Variants in CTNND2 observed in about 807,000 individuals in gnomAD.
CTNND2 encodes catenin delta 2.
In CTNND2, 22 loss-of-function variants were observed where a neutral mutation model predicts 144.4. The ratio of observed to expected loss-of-function variants is 0.15; its 90% CI spans 0.11 to 0.22. The LOEUF is 0.22. Ranked by LOEUF, CTNND2 falls within the 10% of genes least tolerant of loss-of-function variation. The pLI is 1.00. For missense variants in CTNND2, 1,353 were observed against 1,618.8 expected, an observed-to-expected ratio of 0.84 and a Z score of 2.82; for synonymous variants, 751 against 695.6, an observed-to-expected ratio of 1.08 and a Z score of -1.25.
intron 2 of CTNND2, among the ~76,000 whole-genome samples, chr5:11,584,464 C>T (rs1223534571): frequency 1.4e-5 from 2 of 147,666 alleles, no homozygotes; most frequent in Non-Finnish European, 3.0e-5. Flanking sequence ...TTTAAAGTCA[C>T]CGACTAACTC....
chr5:11,093,273 G>A (rs1427223931), intron 15 of CTNND2, among the ~76,000 whole-genome samples: 1 of 152,126 alleles, frequency 6.6e-6, no homozygotes, highest in Non-Finnish European at 1.5e-5. Flanking sequence ...AAGTACAATA[G>A]AAATAATCCA....
chr5:11,349,738 C>A (rs779295404), intron 8 of CTNND2, among the ~76,000 whole-genome samples: 8 of 152,102 alleles, frequency 5.3e-5, no homozygotes, highest in Non-Finnish European at 8.8e-5. Context: ...TACACTATTT[C>A]TCATTACATT....
chr5:11,026,791 T>C (rs1742877857), intron 16 of CTNND2, among the ~76,000 whole-genome samples: 1 of 152,120 alleles, frequency 6.6e-6, no homozygotes, highest in South Asian at 2.1e-4. Context: ...AAGGTGGTCA[T>C]GGGAGGATCA....
In CTNND2 at chr5:11,020,570, T is replaced by C. The variant is rs551740146; in HGVS notation, c.2999+2199A>G. 4.1e-4 allele frequency among the ~76,000 whole-genome samples: 63 copies of C among 152,336 alleles called. 1 individual carries two copies. Among genetic ancestry groups the C allele is most frequent in the African/African-American group, 1.3e-3 (53 of 41,588 alleles). On this transcript the variant is annotated intron_variant, in intron 17 of 21. Transcript: ENST00000304623. Reference sequence around the variant, plus strand: ...CTCCATACCTACTATTATAATAGAATTGAGTCAGAAATGGTGAGTTTCATG... The same window carrying C: ...CTCCATACCTACTATTATAATAGAACTGAGTCAGAAATGGTGAGTTTCATG...
chr5:11,044,062 C>T (rs1033176347), intron 16 of CTNND2, among the ~76,000 whole-genome samples: 1 of 152,338 alleles, frequency 6.6e-6, no homozygotes, highest in East Asian at 1.9e-4. Flanking sequence ...CATCTTCCAG[C>T]AGGTTGTACA....
chr5:11,787,970 T>C (rs1208476521), intron 1 of CTNND2, among the ~76,000 whole-genome samples: 1 of 152,206 alleles, frequency 6.6e-6, no homozygotes, highest in African/African-American at 2.4e-5. Context: ...TTATAGAACA[T>C]TGCTCCCTAT....
chr5:11,823,449 A>G (rs1793428651), intron 1 of CTNND2, among the ~76,000 whole-genome samples: 1 of 152,230 alleles, frequency 6.6e-6, no homozygotes, highest in Non-Finnish European at 1.5e-5. Context: ...AAAGTGTAAC[A>G]GCCACTGTTA....
rs77900802 is a variant in CTNND2, at chr5:11,593,225, T to C, written c.175-28169A>G. Among the ~76,000 whole-genome samples the C allele has an allele frequency of 4.6e-5, 7 of 152,220 alleles. No homozygotes were observed. In the East Asian group the frequency reaches 1.4e-3, roughly 29 times the overall value. On this transcript the variant is annotated intron_variant, in intron 2 of 21. Coordinates refer to ENST00000304623, the MANE Select transcript of CTNND2 (RefSeq NM_001332.4). The stretch of plus-strand genomic sequence containing the variant: ...ATAAAAAAAGTTATAAATTGGGCCA[T>C]ATTAAAATTGAGAAATTCTGTTTAC...
At chr5:11,613,177 G>C (rs1372844045) in intron 2 of CTNND2, among the ~76,000 whole-genome samples, 1 of 152,124 alleles carries the variant, frequency 6.6e-6, no homozygotes, top group African/African-American at 2.4e-5. Flanking sequence ...TTTTGCTTTG[G>C]GGTTTTTATT....
chr5:11,460,213 T>G (rs1414513960), intron 3 of CTNND2, among the ~76,000 whole-genome samples: 1 of 152,100 alleles, frequency 6.6e-6, no homozygotes, highest in Non-Finnish European at 1.5e-5. Context: ...CCCACCAAAA[T>G]CTTACATCTC....
In CTNND2 at chr5:11,512,784, C is replaced by T. The variant is rs25927; in HGVS notation, c.287+52160G>A. ...CCAGGATTTCTTCTGGCAACATCTT[C>T]GATGAGGGGAACAGCTGAGACAACA... is the stretch of plus-strand genomic sequence containing the variant. On this transcript the variant is annotated intron_variant, in intron 3 of 21. Coordinates refer to ENST00000304623, the MANE Select transcript of CTNND2 (RefSeq NM_001332.4). Among the ~76,000 whole-genome samples the T allele has an allele frequency of 8.3e-3, 1,269 of 152,252 alleles. 12 individuals carry two copies. The highest frequency in any genetic ancestry group is 0.024 in the African/African-American group (989 of 41,542).
intron 7 of CTNND2, 128 bp from the exon 8 acceptor site, chr5:11,365,018 T>C: frequency 1.4e-6 from 1 of 736,786 alleles, no homozygotes; most frequent in African/African-American, 1.8e-5. Flanking sequence ...ATGAATAGCA[T>C]GAAATGGCAG....
At chr5:11,075,073 C>G (rs1443447615) in intron 16 of CTNND2, among the ~76,000 whole-genome samples, 1 of 152,022 alleles carries the variant, frequency 6.6e-6, no homozygotes, top group African/African-American at 2.4e-5. Flanking sequence ...AAGAAACCAC[C>G]CTTATTTTGT....
chr5:11,387,598 C>T (rs1759221161), intron 6 of CTNND2, among the ~76,000 whole-genome samples: 1 of 152,112 alleles, frequency 6.6e-6, no homozygotes. Flanking sequence ...GATGGAAAAG[C>T]ATCCGACAAA....
chr5:11,406,102 G>A (rs1243147823), intron 5 of CTNND2, among the ~76,000 whole-genome samples: 37 of 152,174 alleles, frequency 2.4e-4, no homozygotes, highest in Admixed American at 2.4e-3. Flanking sequence ...AGCTGAGACT[G>A]CACCATTGCA....
chr5:11,069,909 TTAAC>T (rs1748063922), intron 16 of CTNND2, among the ~76,000 whole-genome samples: 1 of 152,188 alleles, frequency 6.6e-6, no homozygotes, highest in Non-Finnish European at 1.5e-5. Flanking sequence ...TGGGCTGAAT[TTAAC>T]TAAAGCCCAG....
At chr5:11,307,490 G>A (rs988137298) in intron 9 of CTNND2, among the ~76,000 whole-genome samples, 4 of 152,122 alleles carry the variant, frequency 2.6e-5, no homozygotes, top group Non-Finnish European at 4.4e-5. Context: ...GGGCCAAGGG[G>A]CTGAAGAAAG....
intron 15 of CTNND2, among the ~76,000 whole-genome samples, chr5:11,087,773 T>C (rs1750333830): frequency 6.6e-6 from 1 of 152,254 alleles, no homozygotes; most frequent in South Asian, 2.1e-4. Flanking sequence ...GTTGTTTCTT[T>C]GTCTGAATTT....
intron 2 of CTNND2, among the ~76,000 whole-genome samples, chr5:11,643,232 T>C (rs944290204): frequency 1.3e-5 from 2 of 152,140 alleles, no homozygotes; most frequent in Non-Finnish European, 2.9e-5. Context: ...ATTTTTGTTT[T>C]TTTAATTTTA....
Sources: allele counts gnomAD v4.1 joint callset (sites outside exome capture counted in the v4.1 genomes callset), GRCh38; gene constraint gnomAD v4.1.1; transcripts MANE v1.5; gene names NCBI Gene and HGNC (gene_info 2026-07-23, HGNC 2026-07-21).